FAM171A1: variants seen among roughly 807,000 people sequenced by gnomAD.
FAM171A1 encodes the protein protein FAM171A1.
FAM171A1 carries 23 observed loss-of-function variants against 74.9 expected under a neutral mutation model. The observed-to-expected ratio is 0.31, with a 90% CI of 0.22 to 0.44. The LOEUF is 0.44. FAM171A1 is among the 20% of genes least tolerant of loss of function. The pLI is 1.00. For missense variants in FAM171A1, 1,162 were observed against 1,159.2 expected (o/e 1.00, Z -0.03); for synonymous variants, 527 against 505.7 (o/e 1.04, Z -0.57).
intron 3 of FAM171A1, among the ~76,000 whole-genome samples, chr10:15,267,515 A>C (rs578006722): frequency 4.1e-5 from 6 of 147,928 alleles, no homozygotes; most frequent in Non-Finnish European, 8.9e-5. Context: ...AGGCAGGAGA[A>C]TCACTTGAAC....
chr10:15,351,963 G>A (rs963620154), intron 1 of FAM171A1, among the ~76,000 whole-genome samples: 1 of 151,962 alleles, frequency 6.6e-6, no homozygotes, highest in Non-Finnish European at 1.5e-5. Context: ...CAAGCTGGAT[G>A]GACCACCTGA....
At chr10:15,369,791 T>A (rs1836112290) in intron 1 of FAM171A1, among the ~76,000 whole-genome samples, 1 of 152,162 alleles carries the variant, frequency 6.6e-6, no homozygotes, top group Admixed American at 6.5e-5. Context: ...AAGGAGACCC[T>A]CGGATGCAGC....
chr10:15,246,957 C>G lies in FAM171A1; in HGVS notation c.754+1682G>C, dbSNP rs1300126669. Among the ~76,000 whole-genome samples, 3 of 152,206 alleles carry G rather than the reference C, an allele frequency of 2.0e-5. No individual in the cohort carries two copies. In the East Asian group the frequency reaches 5.8e-4, roughly 29 times the overall value. On this transcript the variant is annotated intron_variant, in intron 5 of 7. Coordinates refer to ENST00000378116, the MANE Select transcript of FAM171A1 (RefSeq NM_001010924.2). The stretch of plus-strand genomic sequence containing the variant: ...CATGAGTGCAAACCAATACAACTGT[C>G]TGGAGGGAAATCTGGAAATATGTTT...
intron 3 of FAM171A1, among the ~76,000 whole-genome samples, chr10:15,263,384 T>C (rs1443693765): frequency 1.3e-5 from 2 of 152,168 alleles, no homozygotes; most frequent in Non-Finnish European, 2.9e-5. Flanking sequence ...AAGATTTTGA[T>C]GGAAATGTGA....
intron 1 of FAM171A1, among the ~76,000 whole-genome samples, chr10:15,341,141 C>T (rs1835759810): frequency 6.6e-6 from 1 of 152,174 alleles, no homozygotes; most frequent in African/African-American, 2.4e-5. Context: ...TTTGGACGGT[C>T]TAGTAGGACA....
intron 3 of FAM171A1, among the ~76,000 whole-genome samples, chr10:15,255,132 T>C (rs1321739835): frequency 6.6e-6 from 1 of 152,232 alleles, no homozygotes; most frequent in African/African-American, 2.4e-5. Context: ...AAAAGCTTTT[T>C]CCAAGTTCCA....
At position 15,278,254 on chromosome 10, in the gene FAM171A1, G is replaced by T. The variant is rs140631854; in HGVS notation, c.326-2307C>A. Among the ~76,000 whole-genome samples, 11 of 152,326 alleles carry T rather than the reference G, an allele frequency of 7.2e-5. No individual in the cohort carries two copies. In the East Asian group the frequency reaches 1.9e-3, roughly 27 times the overall value. On this transcript the variant is annotated intron_variant, in intron 2 of 7. Coordinates refer to ENST00000378116, the MANE Select transcript of FAM171A1 (RefSeq NM_001010924.2). ...TATGCATTGCAAGGGTACTAGACTT[G>T]AAACAAGTAGCTGTACGACACGCAG...
At chr10:15,350,649 CTT>C (rs761496484) in intron 1 of FAM171A1, among the ~76,000 whole-genome samples, 3 of 125,136 alleles carry the variant, frequency 2.4e-5, no homozygotes, top group Non-Finnish European at 3.4e-5. Flanking sequence ...CCAATTCTCT[CTT>C]TTTTTTTTTT....
chr10:15,218,622 TCTCA>T (rs907350569), intron 6 of FAM171A1, among the ~76,000 whole-genome samples: 1 of 151,996 alleles, frequency 6.6e-6, no homozygotes, highest in African/African-American at 2.4e-5. Context: ...TGAGATGGGG[TCTCA>T]CTCTGTCACC....
intron 1 of FAM171A1, among the ~76,000 whole-genome samples, chr10:15,305,623 T>TACC (rs979936118): frequency 2.5e-5 from 3 of 117,704 alleles, no homozygotes; most frequent in African/African-American, 9.9e-5. Flanking sequence ...GAAGTGATCA[T>TACC]ACCACTGTAC....
chr10:15,227,160 C>G (rs926289589), intron 5 of FAM171A1, among the ~76,000 whole-genome samples: 5 of 152,116 alleles, frequency 3.3e-5, no homozygotes, highest in African/African-American at 1.2e-4. Context: ...CCACCACAAC[C>G]AGCTAATTTT....
chr10:15,245,754 C>T (rs981985596), intron 5 of FAM171A1, among the ~76,000 whole-genome samples: 2 of 152,198 alleles, frequency 1.3e-5, no homozygotes, highest in Non-Finnish European at 2.9e-5. Flanking sequence ...TGCGCTTCAG[C>T]GCCCCCTGGG....
intron 1 of FAM171A1, among the ~76,000 whole-genome samples, chr10:15,297,193 G>A (rs1835172312): frequency 6.6e-6 from 1 of 151,844 alleles, no homozygotes; most frequent in African/African-American, 2.4e-5. Context: ...CAAGTAGCTG[G>A]GATTACAGGA....
At chr10:15,289,188 T>A (rs1188564491) in intron 1 of FAM171A1, among the ~76,000 whole-genome samples, 1 of 152,110 alleles carries the variant, frequency 6.6e-6, no homozygotes, top group Non-Finnish European at 1.5e-5. Context: ...AATGGGACTC[T>A]CCATTCAACC....
chr10:15,215,975 G>T (rs763322122), intron 7 of FAM171A1, 21 bp downstream of exon 7: 1 of 1,500,344 alleles, frequency 6.7e-7, no homozygotes, highest in Non-Finnish European at 9.1e-7. Flanking sequence ...AAAAGATATT[G>T]CCAAAATGGT....
intron 1 of FAM171A1, among the ~76,000 whole-genome samples, chr10:15,324,558 C>G (rs997237754): frequency 6.6e-6 from 1 of 152,190 alleles, no homozygotes; most frequent in Non-Finnish European, 1.5e-5. Flanking sequence ...CCTGCAGCCC[C>G]GTGCGCTAGC....
At position 15,342,942 on chromosome 10, in the gene FAM171A1, C is replaced by T. The variant is rs1418072910; in HGVS notation, c.97+28014G>A. On this transcript the variant is annotated intron_variant, in intron 1 of 7. Transcript: ENST00000378116. ...GGTGAAACCTGCCCTGTGTTTAACCCGTGAGCAAAGGTTCTGTCCTTACCA... is the reference window on the plus strand; with the variant it reads ...GGTGAAACCTGCCCTGTGTTTAACCTGTGAGCAAAGGTTCTGTCCTTACCA... Among the ~76,000 whole-genome samples the T allele has an allele frequency of 2.6e-5, 4 of 152,154 alleles. 1 individual carries two copies. Among genetic ancestry groups the T allele is most frequent in the South Asian group, 4.1e-4 (2 of 4,824 alleles).
intron 3 of FAM171A1, among the ~76,000 whole-genome samples, chr10:15,270,069 C>G (rs1834802690): frequency 6.6e-6 from 1 of 152,192 alleles, no homozygotes; most frequent in South Asian, 2.1e-4. Context: ...GCCCACGGAG[C>G]ATGGCGGAGC....
At chr10:15,366,746 A>G (rs1836067546) in intron 1 of FAM171A1, among the ~76,000 whole-genome samples, 1 of 152,240 alleles carries the variant, frequency 6.6e-6, no homozygotes, top group African/African-American at 2.4e-5. Flanking sequence ...CTGTCTATCC[A>G]GTTTATTTCC....
Sources: gnomAD v4.1 joint callset for allele counts (sites outside exome capture counted in the v4.1 genomes callset) on GRCh38, gnomAD v4.1.1 for gene constraint, MANE v1.5 for transcripts, NCBI Gene and HGNC (gene_info 2026-07-23, HGNC 2026-07-21) for gene names.